RSPO4: variants seen among roughly 807,000 people sequenced by gnomAD.
The protein encoded by RSPO4 is R-spondin 4.
Under a neutral mutation model 24.8 loss-of-function variants are expected in RSPO4, and 23 were observed. The observed-to-expected ratio is 0.93, with a 90% CI of 0.67 to 1.31. RSPO4 has a LOEUF of 1.31. Among genes scored for constraint, RSPO4 ranks in the 40% most tolerant of loss-of-function variants. The probability of loss-of-function intolerance (pLI) is 0.00; values close to 1 mark genes in which losing one functional copy is unlikely to be tolerated. For synonymous variants in RSPO4, 141 were observed against 127.4 expected (o/e 1.11, Z -0.72); for missense variants, 333 against 316.5 (o/e 1.05, Z -0.39).
intron 1 of RSPO4, among the ~76,000 whole-genome samples, chr20:973,821 G>A (rs1192366027): frequency 6.6e-6 from 1 of 151,620 alleles, no homozygotes; most frequent in Admixed American, 6.6e-5. Context: ...CCTGGTCTTT[G>A]AAGGTCAATA....
chr20:968,292 A>AT (rs1984296517), intron 1 of RSPO4, among the ~76,000 whole-genome samples, 154 bp from the exon 2 acceptor site: 2 of 152,212 alleles, frequency 1.3e-5, no homozygotes, highest in Non-Finnish European at 2.9e-5. Flanking sequence ...TTACAACTAG[A>AT]TATGGTCATG....
chr20:985,844 G>C (rs961776906), intron 1 of RSPO4, among the ~76,000 whole-genome samples: 3 of 152,214 alleles, frequency 2.0e-5, no homozygotes, highest in Non-Finnish European at 2.9e-5. Flanking sequence ...GGTTTGGAGG[G>C]GAGAAGCTAT....
At chr20:964,565 A>T (rs1198600616) in intron 3 of RSPO4, among the ~76,000 whole-genome samples, 2 of 151,946 alleles carry the variant, frequency 1.3e-5, no homozygotes, top group African/African-American at 4.8e-5. Context: ...AGCCCTCAGG[A>T]CCAGGACACA....
chr20:1,002,278 C>G lies in RSPO4; in HGVS notation c.-114G>C. The G allele has an allele frequency of 2.1e-6, 1 of 478,474 alleles. No homozygotes were observed. The highest frequency in any genetic ancestry group is 2.9e-6 in the Non-Finnish European group (1 of 342,924). The allele number at this position is 478,474 out of a possible 1,614,324, so 29.6% of individuals were successfully genotyped here. ...GCTGCTGTGGGCGCGCCGGGCGCAT[C>G]CGCCAGGCGCGGGTCGGTCCGGCCG... On this transcript the variant is annotated 5_prime_UTR_variant, in exon 1 of 5. Transcript: ENST00000217260. The surrounding 1 kb of genome is among the most constrained non-coding windows in gnomAD (Gnocchi z 4.6).
At chr20:966,895 A>G (rs1166034913) in intron 3 of RSPO4, among the ~76,000 whole-genome samples, 2 of 152,158 alleles carry the variant, frequency 1.3e-5, no homozygotes, top group East Asian at 3.9e-4. Flanking sequence ...ACAAATAAAC[A>G]TCAGCGCTCT....
chr20:967,502 C>G (rs1217082871), intron 2 of RSPO4, among the ~76,000 whole-genome samples, 188 bp from the exon 3 acceptor site: 1 of 152,234 alleles, frequency 6.6e-6, no homozygotes, highest in Non-Finnish European at 1.5e-5. Flanking sequence ...AGAACACTCC[C>G]TTTCTCATTT....
intron 1 of RSPO4, among the ~76,000 whole-genome samples, chr20:976,799 C>T (rs986930613): frequency 7.9e-5 from 12 of 152,122 alleles, no homozygotes; most frequent in African/African-American, 2.9e-4. Flanking sequence ...TAGCCCCATA[C>T]ATTTTTTTTA....
chr20:963,983 C>G lies in RSPO4; in HGVS notation c.547G>C (p.Val183Leu), dbSNP rs778288742. The G allele has an allele frequency of 7.1e-5, 114 of 1,613,952 alleles. No homozygotes were observed. Among genetic ancestry groups the G allele is most frequent in the Non-Finnish European group, 9.4e-5 (111 of 1,180,054 alleles). Residue 183 changes from valine (V) to leucine (L), a missense_variant, in exon 4 of 5, where the codon GTG becomes CTG. Coordinates refer to ENST00000217260, the MANE Select transcript of RSPO4 (RefSeq NM_001029871.4). ...GGACATTTCCTTGACTCAGAAAGCA[C>G]CTGGCAGGTGGCTGCCTCCTCATGC... ...AGHEEAATCQ[V>L]LSESRKCPIQ...
intron 1 of RSPO4, among the ~76,000 whole-genome samples, chr20:995,017 G>T (rs140443503): frequency 6.6e-6 from 1 of 152,152 alleles, no homozygotes; most frequent in African/African-American, 2.4e-5. Context: ...TTCAAGTTTT[G>T]CCTTCACCGC....
At chr20:963,432 G>A (rs545412058) in intron 4 of RSPO4, among the ~76,000 whole-genome samples, 4 of 152,266 alleles carry the variant, frequency 2.6e-5, no homozygotes, top group Admixed American at 6.5e-5. Flanking sequence ...CATCTCTGAT[G>A]GCGATGTGGC....
chr20:978,280 T>C (rs1278088360), intron 1 of RSPO4, among the ~76,000 whole-genome samples: 3 of 152,142 alleles, frequency 2.0e-5, no homozygotes, highest in African/African-American at 7.2e-5. Flanking sequence ...TTCTGTAAAA[T>C]GGGGACGATA....
At chr20:995,056 C>T (rs79336149) in intron 1 of RSPO4, among the ~76,000 whole-genome samples, 1 of 152,226 alleles carries the variant, frequency 6.6e-6, no homozygotes. Flanking sequence ...CTTCTACTCA[C>T]AGCTGGGTGA....
At chr20:987,403 A>G (rs1405263004) in intron 1 of RSPO4, among the ~76,000 whole-genome samples, 1 of 152,120 alleles carries the variant, frequency 6.6e-6, no homozygotes, top group Non-Finnish European at 1.5e-5. Flanking sequence ...GTAGGACTCC[A>G]AGGTTTGGGA....
chr20:972,209 C>T (rs887334062), intron 1 of RSPO4, among the ~76,000 whole-genome samples: 4 of 152,148 alleles, frequency 2.6e-5, no homozygotes, highest in Non-Finnish European at 4.4e-5. Flanking sequence ...GGACTACAGG[C>T]GTGCACCACC....
chr20:964,099 C>T lies in RSPO4; in HGVS notation c.431G>A (p.Trp144Ter). ...ECQGECELGP[W>*]GGWSPCTHNG... ...GTGTGTGCAGGGGCTCCAGCCGCCCCAGGGACCCAGTTCACACTCCCCTGT... is the reference window on the plus strand; with the variant it reads ...GTGTGTGCAGGGGCTCCAGCCGCCCTAGGGACCCAGTTCACACTCCCCTGT... Residue 144 changes from tryptophan (W) to a stop codon, truncating the protein, a stop_gained, in exon 4 of 5, where the codon TGG becomes TAG. Coordinates refer to ENST00000217260, the MANE Select transcript of RSPO4 (RefSeq NM_001029871.4). LOFTEE classifies it high-confidence loss of function. 1.2e-6 allele frequency: 2 copies of T among 1,613,064 alleles called. No homozygotes were observed. Among genetic ancestry groups the T allele is most frequent in the Non-Finnish European group, 1.7e-6 (2 of 1,179,616 alleles).
intron 1 of RSPO4, among the ~76,000 whole-genome samples, chr20:980,073 A>G (rs1227968378): frequency 1.3e-5 from 2 of 152,164 alleles, no homozygotes; most frequent in Non-Finnish European, 2.9e-5. Context: ...ACCATTCCGC[A>G]TAGAGGGGCT....
intron 1 of RSPO4, among the ~76,000 whole-genome samples, chr20:968,487 C>T (rs1029124667): frequency 1.8e-4 from 28 of 152,174 alleles, no homozygotes; most frequent in Admixed American, 3.9e-4. Flanking sequence ...TCCCGTGAGG[C>T]GGTGGAAAAA....
chr20:973,999 T>C (rs771450161), intron 1 of RSPO4, among the ~76,000 whole-genome samples: 1 of 152,142 alleles, frequency 6.6e-6, no homozygotes, highest in Non-Finnish European at 1.5e-5. Flanking sequence ...GAAAAAGCAG[T>C]GCTACTGCCT....
intron 4 of RSPO4, among the ~76,000 whole-genome samples, chr20:962,314 TG>T (rs2122206418): frequency 6.6e-6 from 1 of 152,266 alleles, no homozygotes; most frequent in South Asian, 2.1e-4. Context: ...AGCCAAGACC[TG>T]GGTGATGCAG....
Sources: allele counts gnomAD v4.1 joint callset (sites outside exome capture counted in the v4.1 genomes callset), GRCh38; gene constraint gnomAD v4.1.1; non-coding constraint Gnocchi (gnomAD v3.1); transcripts MANE v1.5; gene names NCBI Gene and HGNC (gene_info 2026-07-23, HGNC 2026-07-21).